KCNMA1: variants seen among roughly 807,000 people sequenced by gnomAD.
KCNMA1 encodes potassium calcium-activated channel subfamily M alpha 1.
In KCNMA1, 29 loss-of-function variants were observed where a neutral mutation model predicts 140.0. The observed-to-expected ratio is 0.21, with a 90% CI of 0.15 to 0.28. The LOEUF (loss-of-function observed/expected upper bound fraction) is 0.28, where lower values mean the gene tolerates loss of function less well. Ranked by LOEUF, KCNMA1 falls within the 10% of genes least tolerant of loss-of-function variation. The probability of loss-of-function intolerance (pLI) is 1.00; values close to 1 mark genes in which losing one functional copy is unlikely to be tolerated. For synonymous variants in KCNMA1, 612 were observed against 611.9 expected (o/e 1.00, Z 0.00); for missense variants, 880 against 1,602.2 (o/e 0.55, Z 7.70).
chr10:76,880,328 A>G (rs1755067611), downstream of KCNMA1, among the ~76,000 whole-genome samples: 1 of 152,038 alleles, frequency 6.6e-6, no homozygotes, highest in Admixed American at 6.5e-5. Context: ...AAAAAATCTA[A>G]GCAGAGTAGC....
In KCNMA1 at chr10:76,969,546, A is replaced by G. The variant is rs150769090; in HGVS notation, c.2360+428T>C. On this transcript the variant is annotated intron_variant, in intron 20 of 27. Coordinates refer to ENST00000286628, the MANE Select transcript of KCNMA1 (RefSeq NM_001161352.2). ...GGTTCATTTTTGATTGTGATGATAC[A>G]TCTCACATATGGCCTTAAGTACAGA... 2.5e-3 allele frequency among the ~76,000 whole-genome samples: 385 copies of G among 152,278 alleles called. 2 individuals are homozygous for G. Among genetic ancestry groups the G allele is most frequent in the Middle Eastern group, 3.4e-3 (1 of 294 alleles).
At chr10:77,068,698 TTGTGTGTGTGTG>T (rs199660003) in intron 14 of KCNMA1, among the ~76,000 whole-genome samples, 1 of 132,574 alleles carries the variant, frequency 7.5e-6, no homozygotes, top group Non-Finnish European at 1.6e-5. Flanking sequence ...GTTCCAGGTT[TTGTGTGTGTGTG>T]TGTGTGTGTG....
At chr10:77,093,788 C>A (rs1006515949) in intron 9 of KCNMA1, among the ~76,000 whole-genome samples, 1 of 152,120 alleles carries the variant, frequency 6.6e-6, no homozygotes, top group African/African-American at 2.4e-5. Context: ...TCATTGGAGG[C>A]AGAGTAATGG....
intron 1 of KCNMA1, among the ~76,000 whole-genome samples, chr10:77,578,510 C>A (rs1302532656): frequency 6.6e-6 from 1 of 152,172 alleles, no homozygotes; most frequent in African/African-American, 2.4e-5. Flanking sequence ...AGCCTGCAGC[C>A]CCCAACGAGG....
At chr10:76,883,786 T>A (rs1438158809), downstream of KCNMA1, among the ~76,000 whole-genome samples, 3 of 150,608 alleles carry the variant, frequency 2.0e-5, no homozygotes, top group African/African-American at 7.3e-5. Context: ...AAGAAACTTG[T>A]ATGCCTACTT....
intron 14 of KCNMA1, among the ~76,000 whole-genome samples, chr10:77,072,420 G>T (rs1348336672): frequency 6.6e-6 from 1 of 152,168 alleles, no homozygotes; most frequent in Non-Finnish European, 1.5e-5. Context: ...GGAGGACAGA[G>T]TCGGTTTTTT....
intron 2 of KCNMA1, among the ~76,000 whole-genome samples, chr10:77,360,070 A>G (rs2093819615): frequency 6.6e-6 from 1 of 152,264 alleles, no homozygotes. Context: ...CTCATTATGG[A>G]TGCTGAATTA....
intron 5 of KCNMA1, among the ~76,000 whole-genome samples, chr10:77,152,742 C>T (rs1265791197): frequency 1.3e-5 from 2 of 152,200 alleles, no homozygotes; most frequent in African/African-American, 2.4e-5. Context: ...AATGCAGATG[C>T]TGGCAATTCA....
At chr10:77,030,978 A>C (rs1367041551) in intron 15 of KCNMA1, among the ~76,000 whole-genome samples, 2 of 152,214 alleles carry the variant, frequency 1.3e-5, no homozygotes, top group Non-Finnish European at 2.9e-5. Flanking sequence ...GCCACAACAC[A>C]GATTTTCAGA....
chr10:76,872,256 T>G (rs915278436), downstream of KCNMA1: 5 of 152,234 alleles, frequency 3.3e-5, no homozygotes, highest in African/African-American at 1.2e-4. Context: ...CTGATGGTCC[T>G]GTGACAGAAA....
chr10:77,025,240 GTGTA>G (rs1555136564), intron 16 of KCNMA1, among the ~76,000 whole-genome samples: 1,656 of 65,248 alleles, frequency 0.025, 31 homozygotes, highest in African/African-American at 0.043. Context: ...AGGGGTGTGT[GTGTA>G]TATATATATA....
At chr10:76,952,019 A>C (rs1237600605) in intron 21 of KCNMA1, 2 of 1,551,004 alleles carry the variant, frequency 1.3e-6, no homozygotes, top group Non-Finnish European at 1.7e-6. Flanking sequence ...TTTTCATAGG[A>C]TAGAAGTAGT....
intron 1 of KCNMA1, among the ~76,000 whole-genome samples, chr10:77,502,710 T>G (rs2044366038): frequency 6.6e-6 from 1 of 152,112 alleles, no homozygotes; most frequent in Non-Finnish European, 1.5e-5. Context: ...CCCTTTGTCA[T>G]CAGGCAAGCC....
At chr10:77,188,663 C>T (rs1255859374) in intron 3 of KCNMA1, among the ~76,000 whole-genome samples, 5 of 152,172 alleles carry the variant, frequency 3.3e-5, no homozygotes, top group Non-Finnish European at 7.3e-5. Context: ...GATGCCTCTA[C>T]AGAGGAAAAT....
intron 3 of KCNMA1, among the ~76,000 whole-genome samples, chr10:77,198,390 C>T (rs549080972): frequency 1.1e-4 from 17 of 151,996 alleles, no homozygotes; most frequent in African/African-American, 4.1e-4. Context: ...CATTTATAAC[C>T]CTGAAGTTAA....
intron 16 of KCNMA1, 110 bp downstream of exon 16, chr10:77,027,713 G>A: frequency 2.2e-6 from 2 of 897,026 alleles, no homozygotes. Flanking sequence ...TTTACATCTG[G>A]TTCCATGCAG....
chr10:76,957,113 G>A (rs1418698904), intron 20 of KCNMA1, among the ~76,000 whole-genome samples: 1 of 127,904 alleles, frequency 7.8e-6, no homozygotes, highest in Non-Finnish European at 1.6e-5. Context: ...GGGCAACAGA[G>A]CGAGACTCTG....
chr10:77,289,047 C>G (rs2072150032), intron 2 of KCNMA1, among the ~76,000 whole-genome samples: 1 of 152,202 alleles, frequency 6.6e-6, no homozygotes, highest in Non-Finnish European at 1.5e-5. Context: ...AGGACCAAAG[C>G]CCTGCCTAGC....
At chr10:77,165,796 TATA>T (rs2098634757) in intron 5 of KCNMA1, among the ~76,000 whole-genome samples, 1 of 152,242 alleles carries the variant, frequency 6.6e-6, no homozygotes, top group African/African-American at 2.4e-5. Flanking sequence ...TTGGGAGTCT[TATA>T]AGAGTTATTT....
Sources: allele counts gnomAD v4.1 joint callset (sites outside exome capture counted in the v4.1 genomes callset), GRCh38; gene constraint gnomAD v4.1.1; transcripts MANE v1.5; gene names NCBI Gene and HGNC (gene_info 2026-07-23, HGNC 2026-07-21).